Variants in TPO observed in about 807,000 individuals in gnomAD.
TPO encodes thyroid peroxidase.
Under a neutral mutation model 96.9 loss-of-function variants are expected in TPO, and 78 were observed. The ratio of observed to expected loss-of-function variants is 0.81; its 90% CI spans 0.67 to 0.97. The LOEUF (loss-of-function observed/expected upper bound fraction) is 0.97. TPO is among the 50% of genes least tolerant of loss of function. TPO has a pLI of 0.00. For missense variants in TPO, 1,252 were observed against 1,274.8 expected, an observed-to-expected ratio of 0.98 and a Z score of 0.27; for synonymous variants, 547 against 538.0, an observed-to-expected ratio of 1.02 and a Z score of -0.23.
upstream of TPO, among the ~76,000 whole-genome samples, chr2:1,409,587 C>T (rs1243908219): frequency 1.3e-5 from 2 of 152,066 alleles, no homozygotes; most frequent in African/African-American, 4.8e-5. Flanking sequence ...AGGGAGTGGA[C>T]GTGGATCCAA....
At position 1,386,690 on chromosome 2, in the gene TPO, T is replaced by C. The variant is rs1661900206; in HGVS notation, n.180+12288T>C. On this transcript the variant is annotated intron_variant and non_coding_transcript_variant, in intron 1 of 5. Transcript: ENST00000497517. ...AATTTGCCAGTCTGTGTCTTTTAAT[T>C]GGAGCATTTAGCCCATTTACATTTA... 3.9e-5 allele frequency among the ~76,000 whole-genome samples: 6 copies of C among 152,346 alleles called. No individual in the cohort carries two copies. In the South Asian group the frequency reaches 1.2e-3, roughly 32 times the overall value.
At chr2:1,474,229 G>T (rs1669698090) in intron 7 of TPO, among the ~76,000 whole-genome samples, 1 of 152,140 alleles carries the variant, frequency 6.6e-6, no homozygotes, top group East Asian at 1.9e-4. Context: ...TGCATTTTAA[G>T]TACCTATGAT....
intron 1 of TPO, among the ~76,000 whole-genome samples, chr2:1,406,103 C>A (rs781207913): frequency 6.6e-6 from 1 of 152,210 alleles, no homozygotes; most frequent in Non-Finnish European, 1.5e-5. Flanking sequence ...TCAACAGGAA[C>A]GCACATTGCA....
chr2:1,480,821 C>CCTCCCTCCTCCTTCATCCGTCCACACCAT (rs1670550067), intron 8 of TPO, among the ~76,000 whole-genome samples: 1 of 149,104 alleles, frequency 6.7e-6, no homozygotes. Flanking sequence ...GTCCACACCA[C>CCTCCCTCCTCCTTCATCCGTCCACACCAT]GTCCCTGCTG....
At position 1,484,848 on chromosome 2, in the gene TPO, C is replaced by G. The variant is rs199537951; in HGVS notation, c.1591C>G (p.Arg531Gly). The G allele has an allele frequency of 6.2e-7, 1 of 1,613,814 alleles. No individual in the cohort carries two copies. Among genetic ancestry groups the G allele is most frequent in the East Asian group, 2.2e-5 (1 of 44,876 alleles). ...QAFFSPWTLLRGGGLDPLIRG... is the reference protein window; with the variant it reads ...QAFFSPWTLLGGGGLDPLIRG... ...TTTCTTCAGCCCATGGACATTACTC[C>G]GTGGAGGTGAGTGAGTGCGGTCCCT... The change falls in exon 9 of 17, where the codon CGT (arginine) becomes GGT (glycine). Residue 531 changes from arginine (R) to glycine (G), a missense_variant. Arg to Gly is a moderately radical substitution (Grantham distance 125). Transcript: ENST00000329066.
chr2:1,448,254 A>G (rs1415540635), intron 5 of TPO, among the ~76,000 whole-genome samples: 1 of 152,184 alleles, frequency 6.6e-6, no homozygotes, highest in Non-Finnish European at 1.5e-5. Flanking sequence ...GTGGGAGCCG[A>G]GCCTGTGGTC....
At chr2:1,425,393 G>C (rs1182837058) in intron 3 of TPO, among the ~76,000 whole-genome samples, 2 of 151,852 alleles carry the variant, frequency 1.3e-5, no homozygotes, top group African/African-American at 4.8e-5. Context: ...AGATGCGTTA[G>C]ATCATTTCAT....
At chr2:1,473,516 GAATA>G (rs1208570866) in intron 7 of TPO, among the ~76,000 whole-genome samples, 1 of 151,884 alleles carries the variant, frequency 6.6e-6, no homozygotes, top group Non-Finnish European at 1.5e-5. Flanking sequence ...GTTTATTAAG[GAATA>G]AATAAATAAT....
intron 7 of TPO, among the ~76,000 whole-genome samples, 160 bp from the exon 8 acceptor site, chr2:1,476,926 G>T (rs12328004): frequency 2.8e-4 from 42 of 151,754 alleles, no homozygotes; most frequent in African/African-American, 8.7e-4. Context: ...AAGCAGGCCG[G>T]GGGGGGAGGT....
At position 1,427,443 on chromosome 2, in the gene TPO, G is replaced by T. The variant is rs114456459; in HGVS notation, c.179+4314G>T. Among the ~76,000 whole-genome samples the T allele has an allele frequency of 5.4e-3, 826 of 152,334 alleles. 10 individuals are homozygous for T. The highest frequency in any genetic ancestry group is 0.019 in the African/African-American group (785 of 41,576). ...GCATTGTGTCTGGGCCACCTGGCCA[G>T]GTGTGGCTGGTAGTGAGTGGCCCCA... On this transcript the variant is annotated intron_variant, in intron 3 of 16. Transcript: ENST00000329066.
At chr2:1,527,297 T>A (rs1317201209) in intron 15 of TPO, among the ~76,000 whole-genome samples, 1 of 110,982 alleles carries the variant, frequency 9.0e-6, no homozygotes, top group Non-Finnish European at 1.7e-5. Context: ...CCCCTCACTG[T>A]GTAACCTCCC....
At chr2:1,390,491 C>T (rs1035059607) in intron 1 of TPO, among the ~76,000 whole-genome samples, 4 of 152,236 alleles carry the variant, frequency 2.6e-5, no homozygotes, top group East Asian at 1.9e-4. Context: ...AATAGACATA[C>T]GTGTGCATGT....
At chr2:1,484,878 C>T in intron 9 of TPO, 24 bp downstream of exon 9, 1 of 1,613,162 alleles carries the variant, frequency 6.2e-7, no homozygotes, top group Non-Finnish European at 8.5e-7. Context: ...GTCCCTGCAG[C>T]TGGTCCCCAT....
intron 15 of TPO, 112 bp from the exon 16 acceptor site, chr2:1,540,482 T>C: frequency 2.5e-6 from 4 of 1,596,432 alleles, no homozygotes; most frequent in Non-Finnish European, 3.4e-6. Context: ...GGTTGGAGTG[T>C]TCCTGCCAAA....
At chr2:1,497,441 C>G (rs1672471655) in intron 13 of TPO, among the ~76,000 whole-genome samples, 2 of 152,292 alleles carry the variant, frequency 1.3e-5, no homozygotes, top group South Asian at 4.1e-4. Flanking sequence ...CTGCGGGGAA[C>G]AGCAGAATGA....
chr2:1,479,775 T>G (rs1670362135), intron 8 of TPO, among the ~76,000 whole-genome samples: 1 of 141,276 alleles, frequency 7.1e-6, no homozygotes, highest in African/African-American at 2.6e-5. Context: ...CCTCCTCTTC[T>G]TCTTCTCCTT....
At chr2:1,542,390 C>CGTTATTAATGTTT (rs1680862978) in intron 16 of TPO, 31 bp from the exon 17 acceptor site, 1 of 1,613,620 alleles carries the variant, frequency 6.2e-7, no homozygotes. Context: ...AGAATTCAGA[C>CGTTATTAATGTTT]GTTATTAATG....
intron 1 of TPO, among the ~76,000 whole-genome samples, chr2:1,406,841 A>G (rs1287117865): frequency 6.6e-6 from 1 of 152,228 alleles, no homozygotes; most frequent in Non-Finnish European, 1.5e-5. Flanking sequence ...CTTAGACAGG[A>G]TGTTTCTCAA....
intron 16 of TPO, 166 bp downstream of exon 16, chr2:1,540,889 AGTGAGCCAGAAT>A (rs1164639054): frequency 2.6e-6 from 4 of 1,546,916 alleles, no homozygotes; most frequent in Non-Finnish European, 3.5e-6. Context: ...AGCTAATGAC[AGTGAGCCAGAAT>A]GTGAGCCTGC....
Sources: allele counts gnomAD v4.1 joint callset (sites outside exome capture counted in the v4.1 genomes callset), GRCh38; gene constraint gnomAD v4.1.1; transcripts MANE v1.5; gene names NCBI Gene and HGNC (gene_info 2026-07-23, HGNC 2026-07-21).